GABRA5: variants seen among roughly 807,000 people sequenced by gnomAD.
GABRA5 encodes the protein gamma-aminobutyric acid receptor subunit alpha-5.
GABRA5 carries 18 observed loss-of-function variants against 47.3 expected under a neutral mutation model. That is an observed-to-expected ratio of 0.38 (90% CI 0.26 to 0.56). GABRA5 has a LOEUF of 0.56. Ranked by LOEUF, GABRA5 falls within the 20% of genes least tolerant of loss-of-function variation. GABRA5 has a pLI of 0.71. For synonymous variants in GABRA5, 237 were observed against 229.3 expected, an observed-to-expected ratio of 1.03 and a Z score of -0.30; for missense variants, 365 against 599.3, an observed-to-expected ratio of 0.61 and a Z score of 4.08.
chr15:26,891,647 A>C (rs1216696835), intron 6 of GABRA5, among the ~76,000 whole-genome samples: 1 of 152,202 alleles, frequency 6.6e-6, no homozygotes, highest in Non-Finnish European at 1.5e-5. Flanking sequence ...AAAGTGCTTC[A>C]TGTCTGCAGA....
At chr15:26,945,787 T>C (rs1894496310) in intron 10 of GABRA5, among the ~76,000 whole-genome samples, 1 of 152,118 alleles carries the variant, frequency 6.6e-6, no homozygotes, top group Admixed American at 6.5e-5. Flanking sequence ...GTGACTATGC[T>C]GAGTCCCAGG....
At chr15:26,904,531 T>C (rs1047549816) in intron 6 of GABRA5, among the ~76,000 whole-genome samples, 3 of 152,182 alleles carry the variant, frequency 2.0e-5, no homozygotes, top group African/African-American at 4.8e-5. Context: ...GGATACAGCA[T>C]TGAATCTGTA....
intron 8 of GABRA5, chr15:26,939,192 G>C (rs767171742): frequency 3.9e-6 from 3 of 760,196 alleles, no homozygotes; most frequent in Non-Finnish European, 7.2e-6. Flanking sequence ...CTGGCCCAGC[G>C]GGCCTCACAC....
chr15:26,895,816 A>AC (rs1893174103), intron 6 of GABRA5, among the ~76,000 whole-genome samples: 8 of 68,978 alleles, frequency 1.2e-4, no homozygotes, highest in Middle Eastern at 0.016. Context: ...CTCCGTCAAA[A>AC]AAAAAAAAAA....
chr15:26,903,688 C>T (rs148584817), intron 6 of GABRA5, among the ~76,000 whole-genome samples: 4,644 of 152,220 alleles, frequency 0.031, 95 homozygotes, highest in Non-Finnish European at 0.046. Context: ...TTTTGATTTG[C>T]ATTTCTCTAA....
intron 6 of GABRA5, among the ~76,000 whole-genome samples, chr15:26,897,059 A>G (rs1002360784): frequency 1.3e-5 from 2 of 151,686 alleles, no homozygotes; most frequent in African/African-American, 4.9e-5. Context: ...ATGTAAACAC[A>G]TTTACAACAC....
At chr15:26,885,396 A>G (rs1436352634) in intron 6 of GABRA5, among the ~76,000 whole-genome samples, 1 of 152,118 alleles carries the variant, frequency 6.6e-6, no homozygotes, top group Non-Finnish European at 1.5e-5. Flanking sequence ...CTGGAGACAC[A>G]ATCAGGGACT....
intron 6 of GABRA5, among the ~76,000 whole-genome samples, chr15:26,910,168 A>G (rs1207755605): frequency 6.6e-6 from 1 of 152,070 alleles, no homozygotes; most frequent in African/African-American, 2.4e-5. Flanking sequence ...CTACTCTAGA[A>G]TTTGGCCATT....
intron 7 of GABRA5, among the ~76,000 whole-genome samples, chr15:26,934,753 T>A (rs1411396782): frequency 6.6e-6 from 1 of 152,166 alleles, no homozygotes; most frequent in African/African-American, 2.4e-5. Flanking sequence ...CATGCTGCCT[T>A]ACTTCCTTTG....
In GABRA5 at chr15:26,867,905, C is replaced by G. The variant is rs1358631529; in HGVS notation, c.-140+794C>G. 1 of 152,124 alleles carries G rather than the reference C, an allele frequency of 6.6e-6. No homozygotes were observed. The highest frequency in any genetic ancestry group is 2.4e-5 in the African/African-American group (1 of 41,424). 9.4% of individuals were successfully genotyped at this position (152,124 alleles called of 1,614,324 possible). A position where few individuals can be genotyped will look rare whatever the true frequency, so the allele number is the denominator to read the frequency against. Reference sequence around the variant, plus strand: ...AGGAGGAAGGCGCTGCCTGGCGGAGCGCTTGGCTCGTACCCGGGGCAGGAG... The same window carrying G: ...AGGAGGAAGGCGCTGCCTGGCGGAGGGCTTGGCTCGTACCCGGGGCAGGAG... On this transcript the variant is annotated intron_variant, in intron 1 of 10. Coordinates refer to ENST00000335625, the MANE Select transcript of GABRA5 (RefSeq NM_000810.4). This position sits in a 1 kb window ranked among gnomAD's most constrained non-coding sequence, Gnocchi z 5.9.
At chr15:26,915,756 C>T (rs1893703094) in intron 7 of GABRA5, among the ~76,000 whole-genome samples, 1 of 152,088 alleles carries the variant, frequency 6.6e-6, no homozygotes, top group African/African-American at 2.4e-5. Flanking sequence ...GAATGTTCTC[C>T]TTGAGATGAA....
intron 9 of GABRA5, among the ~76,000 whole-genome samples, chr15:26,941,188 A>G (rs1236602853): frequency 6.6e-6 from 1 of 152,046 alleles, no homozygotes; most frequent in Admixed American, 6.5e-5. Context: ...GAAGGTGTGG[A>G]GGTTGGCTGG....
intron 6 of GABRA5, among the ~76,000 whole-genome samples, chr15:26,914,542 A>G (rs1290580615): frequency 1.3e-5 from 2 of 152,218 alleles, no homozygotes; most frequent in Non-Finnish European, 2.9e-5. Flanking sequence ...GGCATCTTAA[A>G]TTGCTTTACA....
intron 6 of GABRA5, among the ~76,000 whole-genome samples, chr15:26,914,128 C>T (rs113930523): frequency 1.3e-4 from 20 of 152,018 alleles, no homozygotes; most frequent in African/African-American, 3.9e-4. Flanking sequence ...TGGTAGTGCT[C>T]GGTGATATTA....
chr15:26,911,820 C>T (rs1178786299), intron 6 of GABRA5, among the ~76,000 whole-genome samples: 12 of 152,198 alleles, frequency 7.9e-5, no homozygotes, highest in Admixed American at 7.8e-4. Context: ...GACTTCTAGG[C>T]TGCTTCCAGA....
chr15:26,933,268 T>C (rs1399380816), intron 7 of GABRA5, among the ~76,000 whole-genome samples: 1 of 151,884 alleles, frequency 6.6e-6, no homozygotes, highest in Non-Finnish European at 1.5e-5. Flanking sequence ...GAAAAGTGGA[T>C]GTAGAGGGGA....
intron 7 of GABRA5, among the ~76,000 whole-genome samples, chr15:26,935,988 T>A (rs1176252659): frequency 2.0e-5 from 3 of 152,170 alleles, no homozygotes; most frequent in Non-Finnish European, 4.4e-5. Flanking sequence ...TCCCTACATG[T>A]CAAGGGCGGG....
intron 3 of GABRA5, among the ~76,000 whole-genome samples, chr15:26,870,660 T>G (rs2140241175): frequency 6.6e-6 from 1 of 152,328 alleles, no homozygotes; most frequent in African/African-American, 2.4e-5. Context: ...AGATTTTTTT[T>G]TATCTATTAA....
At chr15:26,897,237 G>T (rs1343027254) in intron 6 of GABRA5, among the ~76,000 whole-genome samples, 2 of 152,010 alleles carry the variant, frequency 1.3e-5, no homozygotes, top group African/African-American at 2.4e-5. Context: ...TTGGCGAAGG[G>T]GTTCTAAAGA....
Sources: gnomAD v4.1 joint callset for allele counts (sites outside exome capture counted in the v4.1 genomes callset) on GRCh38, gnomAD v4.1.1 for gene constraint, Gnocchi (gnomAD v3.1) non-coding constraint, MANE v1.5 for transcripts, NCBI Gene and HGNC (gene_info 2026-07-23, HGNC 2026-07-21) for gene names.